The following TAFA3 variants were observed in gnomAD, a reference collection of about 807,000 sequenced individuals.
TAFA3 encodes the protein TAFA chemokine like family member 3.
A neutral mutation model predicts 20.7 loss-of-function variants in TAFA3; 17 were observed. The observed-to-expected ratio is 0.82, with a 90% CI of 0.56 to 1.23. The LOEUF is 1.23. TAFA3 is among the 50% of genes most tolerant of loss of function. The pLI is 0.00. For missense variants in TAFA3, 174 were observed against 172.8 expected (o/e 1.01, Z -0.04); for synonymous variants, 74 against 71.8 (o/e 1.03, Z -0.16).
Position 112,723,047 on chromosome 1 carries a change from T to G in TAFA3, c.147T>G (p.Ile49Met), listed in dbSNP as rs1207296414. 1.2e-6 allele frequency: 2 copies of G among 1,612,860 alleles called. No homozygotes were observed. The highest frequency in any genetic ancestry group is 2.2e-5 in the East Asian group (1 of 44,822). Residue 49 changes from isoleucine to methionine, a missense_variant, in exon 4 of 6, where the codon ATT becomes ATG. Coordinates refer to ENST00000361886, the MANE Select transcript of TAFA3 (RefSeq NM_182759.3). ...VLVQQGTCEV[I>M]AAHRCCNRNR... ...TGCAGCAGGGCACCTGCGAGGTGAT[T>G]GCGGCTCACCGCTGCTGCAACCGGA...
In TAFA3 at chr1:112,719,272, C is replaced by A. The variant is rs534284379; in HGVS notation, c.-87C>A. The stretch of plus-strand genomic sequence containing the variant: ...CAAGGAAGACTTCAGGCCAGCAGAT[C>A]GAACCAGTGGGCATCACCGTGGACC... On this transcript the variant is annotated 5_prime_UTR_variant, in exon 1 of 6. Coordinates refer to ENST00000361886, the MANE Select transcript of TAFA3 (RefSeq NM_182759.3). Among the ~76,000 whole-genome samples the A allele has an allele frequency of 2.0e-5, 3 of 152,290 alleles. No homozygotes were observed. The East Asian group carries it at 5.8e-4, about 29-fold the overall frequency.
rs1277533530 is a variant in TAFA3 at position 112,723,029 on chromosome 1, G to C, written c.129G>C (p.Gln43His). Reference sequence around the variant, plus strand: ...GGCTCCCCTCAGTGCTTGTGCAGCAGGGCACCTGCGAGGTGATTGCGGCTC... The same window carrying C: ...GGCTCCCCTCAGTGCTTGTGCAGCACGGCACCTGCGAGGTGATTGCGGCTC... ...QPPTATVLVQ[Q>H]GTCEVIAAHR... The change falls in exon 4 of 6, where the codon CAG (glutamine) becomes CAC (histidine). Residue 43 changes from glutamine (Q) to histidine (H), a missense_variant. Physicochemically the swap from Gln to His is conservative, Grantham distance 24. Transcript: ENST00000361886. 5.0e-6 allele frequency: 8 copies of C among 1,612,368 alleles called. No individual in the cohort carries two copies. The highest frequency in any genetic ancestry group is 5.9e-6 in the Non-Finnish European group (7 of 1,179,430).
intron 2 of TAFA3, among the ~76,000 whole-genome samples, chr1:112,721,677 T>C (rs1675332732): frequency 6.6e-6 from 1 of 152,196 alleles, no homozygotes. Context: ...TAACAGTGGA[T>C]TATCACTGGA....
At chr1:112,726,462 T>C (rs1249296829) in intron 5 of TAFA3, among the ~76,000 whole-genome samples, 167 bp from the exon 6 acceptor site, 2 of 152,204 alleles carry the variant, frequency 1.3e-5, no homozygotes, top group Non-Finnish European at 2.9e-5. Flanking sequence ...GTCTGACGTA[T>C]GTTTGCATGG....
chr1:112,719,586 A>G (rs946776956), intron 1 of TAFA3, among the ~76,000 whole-genome samples: 3 of 151,962 alleles, frequency 2.0e-5, no homozygotes, highest in Non-Finnish European at 2.9e-5. Flanking sequence ...TGAGAGCCCA[A>G]ATGAACACCC....
chr1:112,725,853 G>A (rs191287275), intron 5 of TAFA3, among the ~76,000 whole-genome samples: 1 of 152,188 alleles, frequency 6.6e-6, no homozygotes, highest in East Asian at 1.9e-4. Context: ...AAATAGAGAA[G>A]GAGGGCTGGG....
rs779387677 is a variant in TAFA3 at position 112,726,635 on chromosome 1, C to G, written c.397C>G (p.Arg133Gly). The G allele has an allele frequency of 5.0e-6, 8 of 1,613,866 alleles. No individual in the cohort carries two copies. Among genetic ancestry groups the G allele is most frequent in the Non-Finnish European group, 5.9e-6 (7 of 1,179,842 alleles). The change falls in exon 6 of 6, where the codon CGA becomes GGA. Residue 133 changes from arginine (R) to glycine (G), a missense_variant. Transcript: ENST00000361886. ...GHKVKTTKVT[R>G] ...CCTCTCGCTTCTTCACCAGGTCACA[C>G]GATAGCTCTTGGGGGTCACGGCCTG...
chr1:112,723,555 G>A (rs961577786), intron 4 of TAFA3, among the ~76,000 whole-genome samples: 4 of 152,048 alleles, frequency 2.6e-5, no homozygotes, highest in African/African-American at 9.7e-5. Flanking sequence ...GGACACGTGT[G>A]ATCCTTCACA....
Position 112,723,142 on chromosome 1 carries a change from G to C in TAFA3, c.242G>C (p.Arg81Pro). Residue 81 changes from arginine (R) to proline (P), a missense_variant, in exon 4 of 6, where the codon CGG becomes CCG. Coordinates refer to ENST00000361886, the MANE Select transcript of TAFA3 (RefSeq NM_182759.3). ...CFSGQVAGTT[R>P]AKPSCVDASI... Reference sequence around the variant, plus strand: ...TCTGGCCAGGTGGCCGGCACCACGCGGGCAAAGCCCTCCTGCGTGGACGGT... The same window carrying C: ...TCTGGCCAGGTGGCCGGCACCACGCCGGCAAAGCCCTCCTGCGTGGACGGT... The C allele has an allele frequency of 6.2e-7, 1 of 1,613,102 alleles. No homozygotes were observed. Among genetic ancestry groups the C allele is most frequent in the Admixed American group, 1.7e-5 (1 of 59,974 alleles).
intron 5 of TAFA3, among the ~76,000 whole-genome samples, chr1:112,724,816 C>CAAAAAAAAAAAAAAAAAAAA: frequency 1.3e-4 from 3 of 22,652 alleles, no homozygotes; most frequent in African/African-American, 2.1e-4. Flanking sequence ...ATTAGAGCAG[C>CAAAAAAAAAAAAAAAAAAAA]AAAAAAAAAA....
At chr1:112,723,422 C>T (rs893126599) in intron 4 of TAFA3, among the ~76,000 whole-genome samples, 6 of 152,162 alleles carry the variant, frequency 3.9e-5, no homozygotes, top group African/African-American at 1.4e-4. Flanking sequence ...GGAGCGTTCC[C>T]TCACACAGCC....
chr1:112,726,658 C>T lies in TAFA3; in HGVS notation c.*18C>T. ...CACGATAGCTCTTGGGGGTCACGGC[C>T]TGGACAAGAAAGGCTTGACTGAGCC... On this transcript the variant is annotated 3_prime_UTR_variant, in exon 6 of 6. Coordinates refer to ENST00000361886, the MANE Select transcript of TAFA3 (RefSeq NM_182759.3). 5 of 1,613,888 alleles carry T rather than the reference C, an allele frequency of 3.1e-6. No homozygotes were observed. The highest frequency in any genetic ancestry group is 3.4e-6 in the Non-Finnish European group (4 of 1,179,866).
At chr1:112,721,637 A>G (rs1348434842) in intron 2 of TAFA3, among the ~76,000 whole-genome samples, 1 of 152,134 alleles carries the variant, frequency 6.6e-6, no homozygotes, top group African/African-American at 2.4e-5. Context: ...TCGTATACAC[A>G]CCATTCTACA....
chr1:112,726,217 A>G (rs2101504382), intron 5 of TAFA3, among the ~76,000 whole-genome samples: 1 of 152,364 alleles, frequency 6.6e-6, no homozygotes, highest in African/African-American at 2.4e-5. Context: ...TTCACAGAGC[A>G]CACAACAAAA....
intron 5 of TAFA3, among the ~76,000 whole-genome samples, chr1:112,726,078 G>A (rs904755110): frequency 3.3e-5 from 5 of 152,038 alleles, no homozygotes; most frequent in South Asian, 2.1e-4. Context: ...CAGAAGTTGC[G>A]GTAAGCAGAG....
intron 5 of TAFA3, among the ~76,000 whole-genome samples, chr1:112,724,343 G>A (rs1203867629): frequency 6.6e-6 from 1 of 151,966 alleles, no homozygotes; most frequent in Non-Finnish European, 1.5e-5. Context: ...TGTGTCCTGG[G>A]AAGATTCTTG....
chr1:112,722,285 C>G lies in TAFA3; in HGVS notation c.52C>G (p.Leu18Val). The G allele has an allele frequency of 6.2e-7, 1 of 1,614,120 alleles. No homozygotes were observed. Among genetic ancestry groups the G allele is most frequent in the South Asian group, 1.1e-5 (1 of 91,080 alleles). Residue 18 changes from leucine (L) to valine (V), a missense_variant, in exon 3 of 6, where the codon CTG becomes GTG. Physicochemically the swap from Leu to Val is conservative, Grantham distance 32. Coordinates refer to ENST00000361886, the MANE Select transcript of TAFA3 (RefSeq NM_182759.3). Reference sequence around the variant, plus strand: ...GAGCACGGGCGGCTGGCTGCTGGCACTGTGCCTGGCCTGGCTGTGGACCCA... The same window carrying G: ...GAGCACGGGCGGCTGGCTGCTGGCAGTGTGCCTGGCCTGGCTGTGGACCCA... ...NWSTGGWLLA[L>V]CLAWLWTHLT...
intron 3 of TAFA3, among the ~76,000 whole-genome samples, 194 bp downstream of exon 3, chr1:112,722,542 G>T (rs764923843): frequency 6.6e-6 from 1 of 152,172 alleles, no homozygotes; most frequent in Non-Finnish European, 1.5e-5. Flanking sequence ...CCCAGAGAAG[G>T]TCTGGGCAGA....
intron 1 of TAFA3, among the ~76,000 whole-genome samples, chr1:112,719,592 C>T (rs1245228277): frequency 6.6e-6 from 1 of 152,064 alleles, no homozygotes; most frequent in Non-Finnish European, 1.5e-5. Context: ...CCCAAATGAA[C>T]ACCCCCACCC....
Sources: allele counts gnomAD v4.1 joint callset (sites outside exome capture counted in the v4.1 genomes callset), GRCh38; gene constraint gnomAD v4.1.1; transcripts MANE v1.5; gene names NCBI Gene and HGNC (gene_info 2026-07-23, HGNC 2026-07-21).